CRB1: variants seen among roughly 807,000 people sequenced by gnomAD.
CRB1 encodes the protein protein crumbs homolog 1.
In CRB1, 83 loss-of-function variants were observed where a neutral mutation model predicts 120.0. The observed-to-expected ratio is 0.69, with a 90% CI of 0.58 to 0.83. The LOEUF (loss-of-function observed/expected upper bound fraction) is 0.83, where lower values mean the gene tolerates loss of function less well. CRB1 is among the 40% of genes least tolerant of loss of function. CRB1 has a pLI of 0.00. For missense variants in CRB1, 1,699 were observed against 1,687.6 expected, an observed-to-expected ratio of 1.01 and a Z score of -0.12; for synonymous variants, 625 against 612.5, an observed-to-expected ratio of 1.02 and a Z score of -0.30.
At chr1:197,239,031 CT>C in the CRB1 span, among the ~76,000 whole-genome samples, 26,826 of 152,078 alleles carry the variant, frequency 0.18, 2,547 homozygotes, top group Middle Eastern at 0.25. Context: ...GCATCTCTTA[CT>C]TACTCTTCAG....
rs564484790 is a variant in CRB1, at chr1:197,279,520, T to G, written c.70+11038T>G. The stretch of plus-strand genomic sequence containing the variant: ...ACTAACCTCATTATATCAAATTTTT[T>G]TTTGTTTGTTTTCTGGCTTTTTTTT... On this transcript the variant is annotated intron_variant, in intron 1 of 11. Coordinates refer to ENST00000367400, the MANE Select transcript of CRB1 (RefSeq NM_201253.3). 2.2e-3 allele frequency among the ~76,000 whole-genome samples: 328 copies of G among 151,292 alleles called. 1 individual carries two copies. The highest frequency in any genetic ancestry group is 7.3e-3 in the African/African-American group (301 of 41,434).
At chr1:197,218,939 T>C in the CRB1 span, among the ~76,000 whole-genome samples, 3 of 152,122 alleles carry the variant, frequency 2.0e-5, no homozygotes, top group Non-Finnish European at 4.4e-5. Flanking sequence ...AGATTTATCA[T>C]AGCAGCAAGC....
intron 10 of CRB1, chr1:197,441,622 A>T (rs1262135651): frequency 1.3e-5 from 2 of 150,662 alleles, no homozygotes; most frequent in Non-Finnish European, 2.9e-5. Flanking sequence ...TCTCAGAATA[A>T]ACCTCTCCTC....
intron 1 of CRB1, among the ~76,000 whole-genome samples, chr1:197,305,169 G>C (rs756987626): frequency 2.0e-5 from 3 of 152,036 alleles, no homozygotes; most frequent in Non-Finnish European, 4.4e-5. Flanking sequence ...GGTTACTGGG[G>C]AACTTGGTGT....
At chr1:197,221,379 T>G in the CRB1 span, among the ~76,000 whole-genome samples, 1 of 152,160 alleles carries the variant, frequency 6.6e-6, no homozygotes, top group Non-Finnish European at 1.5e-5. Flanking sequence ...ATGAGTTCAG[T>G]TTTAGAGTCA....
intron 11 of CRB1, among the ~76,000 whole-genome samples, chr1:197,472,056 G>A (rs1263647837): frequency 1.3e-5 from 2 of 152,140 alleles, no homozygotes; most frequent in Non-Finnish European, 2.9e-5. Flanking sequence ...ATTTTTCCAT[G>A]AATCACTAAT....
At chr1:197,412,461 G>A (rs1161478087) in intron 5 of CRB1, among the ~76,000 whole-genome samples, 3 of 152,154 alleles carry the variant, frequency 2.0e-5, no homozygotes, top group Middle Eastern at 3.4e-3. Context: ...TCAAAGCTCC[G>A]ATTAATATAA....
intron 5 of CRB1, among the ~76,000 whole-genome samples, chr1:197,390,543 T>C (rs1243052045): frequency 6.6e-6 from 1 of 152,006 alleles, no homozygotes; most frequent in Non-Finnish European, 1.5e-5. Context: ...GTTCAGCTTT[T>C]CCAGGGCTCC....
chr1:197,335,194 G>C (rs772198323), intron 2 of CRB1, among the ~76,000 whole-genome samples: 1 of 152,204 alleles, frequency 6.6e-6, no homozygotes, highest in Non-Finnish European at 1.5e-5. Context: ...TGGAGTGAAG[G>C]AGGAAGGAGA....
intron 5 of CRB1, among the ~76,000 whole-genome samples, chr1:197,412,462 AT>A (rs557528327): frequency 1.7e-3 from 259 of 152,320 alleles, no homozygotes; most frequent in Non-Finnish European, 2.8e-3. Flanking sequence ...CAAAGCTCCG[AT>A]TAATATAAAA....
chr1:197,253,352 T>G, the CRB1 span, among the ~76,000 whole-genome samples: 2 of 152,128 alleles, frequency 1.3e-5, no homozygotes, highest in African/African-American at 4.8e-5. Context: ...TATGAAGTTG[T>G]CTCTGAACTT....
At chr1:197,270,898 G>T (rs900530147) in intron 1 of CRB1, among the ~76,000 whole-genome samples, 2 of 152,098 alleles carry the variant, frequency 1.3e-5, no homozygotes, top group African/African-American at 4.8e-5. Flanking sequence ...GAACATAATA[G>T]CAAACAAAGA....
rs118101416 is a variant in CRB1 at position 197,424,651 on chromosome 1, T to C, written c.2128+2695T>C. Among the ~76,000 whole-genome samples, 108 of 152,322 alleles carry C rather than the reference T, an allele frequency of 7.1e-4. No homozygotes were observed. The East Asian group carries it at 0.02, about 28-fold the overall frequency. On this transcript the variant is annotated intron_variant, in intron 6 of 11. Coordinates refer to ENST00000367400, the MANE Select transcript of CRB1 (RefSeq NM_201253.3). ...TCAGCTTAATACAACATTGACTTTT[T>C]GGCAGCCACACTTCGTGATTGCGTC...
the CRB1 span, among the ~76,000 whole-genome samples, chr1:197,216,737 C>G: frequency 2.0e-5 from 3 of 152,172 alleles, no homozygotes; most frequent in Non-Finnish European, 4.4e-5. Context: ...GAGGTCAAAA[C>G]TGAAGAGGGC....
At chr1:197,323,761 A>T (rs1287844425) in intron 1 of CRB1, among the ~76,000 whole-genome samples, 1 of 152,132 alleles carries the variant, frequency 6.6e-6, no homozygotes, top group African/African-American at 2.4e-5. Flanking sequence ...AGGCACATGC[A>T]CTTGGTCCCT....
At chr1:197,304,947 G>A (rs777651029) in intron 1 of CRB1, among the ~76,000 whole-genome samples, 2 of 152,116 alleles carry the variant, frequency 1.3e-5, no homozygotes, top group African/African-American at 2.4e-5. Flanking sequence ...TTTTGTATTC[G>A]ACAATTCCAG....
At chr1:197,455,049 A>G (rs1328826154) in intron 11 of CRB1, among the ~76,000 whole-genome samples, 2 of 152,206 alleles carry the variant, frequency 1.3e-5, no homozygotes, top group African/African-American at 2.4e-5. Flanking sequence ...AAGGTTGGCC[A>G]TATTATTTCT....
At chr1:197,336,418 A>G (rs1659157850) in intron 2 of CRB1, among the ~76,000 whole-genome samples, 1 of 151,284 alleles carries the variant, frequency 6.6e-6, no homozygotes, top group Admixed American at 6.6e-5. Flanking sequence ...GTTATTAAAT[A>G]TAAGCTTATT....
intron 1 of CRB1, among the ~76,000 whole-genome samples, chr1:197,308,683 T>A (rs983994283): frequency 6.6e-6 from 1 of 151,984 alleles, no homozygotes; most frequent in Admixed American, 6.6e-5. Context: ...AGTTGTATGA[T>A]GAGGATTAAA....
Sources: allele counts gnomAD v4.1 joint callset (sites outside exome capture counted in the v4.1 genomes callset), GRCh38; gene constraint gnomAD v4.1.1; transcripts MANE v1.5; gene names NCBI Gene and HGNC (gene_info 2026-07-23, HGNC 2026-07-21).